The following SNTG2 variants were observed in gnomAD, a reference collection of about 807,000 sequenced individuals.
The protein encoded by SNTG2 is syntrophin gamma 2, also known as gamma-2-syntrophin.
In SNTG2, 74 loss-of-function variants were observed where a neutral mutation model predicts 70.9. The observed-to-expected ratio is 1.04, with a 90% CI of 0.86 to 1.27. The LOEUF (loss-of-function observed/expected upper bound fraction) is 1.27, where lower values mean the gene tolerates loss of function less well. SNTG2 is among the 50% of genes most tolerant of loss of function. SNTG2 has a pLI of 0.00. For missense variants in SNTG2, 717 were observed against 690.7 expected (o/e 1.04, Z -0.43); for synonymous variants, 278 against 273.8 (o/e 1.02, Z -0.15).
At chr2:1,312,700 G>A (rs1224866001) in intron 15 of SNTG2, among the ~76,000 whole-genome samples, 12 of 152,222 alleles carry the variant, frequency 7.9e-5, no homozygotes, top group Admixed American at 2.6e-4. Flanking sequence ...TTCCCACACC[G>A]CAGCAAATTA....
intron 9 of SNTG2, among the ~76,000 whole-genome samples, chr2:1,224,178 C>T (rs555977682): frequency 2.6e-5 from 4 of 152,300 alleles, no homozygotes; most frequent in African/African-American, 7.2e-5. Context: ...CCTTCCAACA[C>T]GACTGCCTCG....
intron 9 of SNTG2, among the ~76,000 whole-genome samples, chr2:1,210,121 G>A (rs1160612657): frequency 6.6e-6 from 1 of 152,144 alleles, no homozygotes; most frequent in African/African-American, 2.4e-5. Context: ...TTAGAATTAG[G>A]TTTTCTATAT....
At chr2:1,032,894 T>C (rs1401268276) in intron 1 of SNTG2, among the ~76,000 whole-genome samples, 1 of 152,164 alleles carries the variant, frequency 6.6e-6, no homozygotes, top group Non-Finnish European at 1.5e-5. Flanking sequence ...CTACAGGTTG[T>C]GCGAGCATGG....
chr2:1,144,978 C>G (rs1669004553), intron 6 of SNTG2, among the ~76,000 whole-genome samples: 1 of 152,158 alleles, frequency 6.6e-6, no homozygotes, highest in Non-Finnish European at 1.5e-5. Flanking sequence ...AAATAACACA[C>G]TGGTCAAAGA....
chr2:1,298,112 A>G (rs1364734429), intron 14 of SNTG2, among the ~76,000 whole-genome samples: 2 of 152,112 alleles, frequency 1.3e-5, no homozygotes, highest in South Asian at 2.1e-4. Flanking sequence ...TATTTTATAT[A>G]CATTTCATTC....
intron 16 of SNTG2, among the ~76,000 whole-genome samples, chr2:1,337,663 T>C (rs905538281): frequency 4.6e-5 from 7 of 152,178 alleles, no homozygotes; most frequent in African/African-American, 1.4e-4. Context: ...TTGTTTACAG[T>C]GTCCTTTGAT....
intron 1 of SNTG2, among the ~76,000 whole-genome samples, chr2:972,540 C>T (rs1660776998): frequency 6.6e-6 from 1 of 152,156 alleles, no homozygotes; most frequent in Admixed American, 6.5e-5. Context: ...CCACTTGACA[C>T]TATTGATACA....
At chr2:1,126,024 T>C (rs1475975061) in intron 4 of SNTG2, among the ~76,000 whole-genome samples, 1 of 152,222 alleles carries the variant, frequency 6.6e-6, no homozygotes, top group Admixed American at 6.5e-5. Flanking sequence ...CTTCTAGCCA[T>C]TTGAAAATAA....
At chr2:1,103,379 C>CTTTTTTTTTTTTTTTTTTTTTT (rs758261408) in intron 4 of SNTG2, 2 of 241,154 alleles carry the variant, frequency 8.3e-6, no homozygotes, top group African/African-American at 5.0e-5. Context: ...TTATAAATTT[C>CTTTTTTTTTTTTTTTTTTTTTT]TTTTTTTTTT....
At chr2:1,239,838 T>C (rs1676935627) in intron 11 of SNTG2, 62 bp downstream of exon 11, 1 of 1,573,448 alleles carries the variant, frequency 6.4e-7, no homozygotes, top group African/African-American at 1.3e-5. Context: ...ATTTTCTGAT[T>C]CATGATGTAA....
At chr2:958,679 T>C (rs1307547153) in intron 1 of SNTG2, among the ~76,000 whole-genome samples, 1 of 149,012 alleles carries the variant, frequency 6.7e-6, no homozygotes, top group Non-Finnish European at 1.5e-5. Flanking sequence ...CATTATAATC[T>C]AAATAAATGG....
chr2:1,197,599 T>C (rs903302304), intron 8 of SNTG2, among the ~76,000 whole-genome samples: 4 of 151,402 alleles, frequency 2.6e-5, no homozygotes, highest in African/African-American at 7.3e-5. Flanking sequence ...TGCAGTGGCA[T>C]GATCATGGCT....
At chr2:1,245,127 G>T (rs1439787708) in intron 11 of SNTG2, among the ~76,000 whole-genome samples, 1 of 122,372 alleles carries the variant, frequency 8.2e-6, no homozygotes, top group Admixed American at 8.7e-5. Context: ...GTTGTCGGGT[G>T]GGGGGAGGGG....
intron 16 of SNTG2, among the ~76,000 whole-genome samples, chr2:1,321,711 C>T (rs35480191): frequency 0.55 from 82,855 of 151,990 alleles, 22,610 homozygotes; most frequent in Middle Eastern, 0.69. Context: ...ACCAGGGGCT[C>T]CTAAATGTTC....
chr2:1,163,479 A>C lies in SNTG2; in HGVS notation c.412-2069A>C, dbSNP rs1236618746. Reference sequence around the variant, plus strand: ...AGGAGGTGGGTGTGTGAGGCCTCCCAACAGGAAGTGGGCATGTGAGGCCTC... The same window carrying C: ...AGGAGGTGGGTGTGTGAGGCCTCCCCACAGGAAGTGGGCATGTGAGGCCTC... On this transcript the variant is annotated intron_variant, in intron 6 of 16. Coordinates refer to ENST00000308624, the MANE Select transcript of SNTG2 (RefSeq NM_018968.4). 2.0e-5 allele frequency: 3 copies of C among 151,618 alleles called. No homozygotes were observed. The East Asian group carries it at 5.9e-4, about 30-fold the overall frequency. The allele number at this position is 151,618 out of a possible 1,614,324, so 9.4% of individuals were successfully genotyped here. A position where few individuals can be genotyped will look rare whatever the true frequency, so the allele number is the denominator to read the frequency against.
At chr2:983,677 C>T (rs538871282) in intron 1 of SNTG2, among the ~76,000 whole-genome samples, 1 of 152,336 alleles carries the variant, frequency 6.6e-6, no homozygotes, top group East Asian at 1.9e-4. Flanking sequence ...GTACGCTGAC[C>T]TTCAGTCTTG....
chr2:1,148,360 A>C (rs965094672), intron 6 of SNTG2, among the ~76,000 whole-genome samples: 1 of 152,190 alleles, frequency 6.6e-6, no homozygotes, highest in Non-Finnish European at 1.5e-5. Flanking sequence ...TTTGCCAGGG[A>C]CATGAAGGCG....
intron 1 of SNTG2, among the ~76,000 whole-genome samples, chr2:1,038,330 A>T (rs1661248144): frequency 6.6e-6 from 1 of 152,230 alleles, no homozygotes; most frequent in South Asian, 2.1e-4. Flanking sequence ...GAATGAACCT[A>T]GGAGTTTCTA....
chr2:1,062,890 A>G (rs1432371142), intron 1 of SNTG2, among the ~76,000 whole-genome samples: 5 of 152,246 alleles, frequency 3.3e-5, no homozygotes, highest in Admixed American at 6.5e-5. Flanking sequence ...ACCCATATAT[A>G]TACATATACA....
Sources: allele counts gnomAD v4.1 joint callset (sites outside exome capture counted in the v4.1 genomes callset), GRCh38; gene constraint gnomAD v4.1.1; transcripts MANE v1.5; gene names NCBI Gene and HGNC (gene_info 2026-07-23, HGNC 2026-07-21).